The following ZNF66 variants were observed in gnomAD, a reference collection of about 807,000 sequenced individuals.
ZNF66 encodes the protein putative zinc finger protein 66.
In ZNF66, 32 loss-of-function variants were observed where a neutral mutation model predicts 35.2. That is an observed-to-expected ratio of 0.91 (90% CI 0.69 to 1.22). ZNF66 has a LOEUF of 1.22. Among genes scored for constraint, ZNF66 ranks in the 50% most tolerant of loss-of-function variants. The pLI is 0.00. For missense variants in ZNF66, 666 were observed against 543.1 expected, an observed-to-expected ratio of 1.23 and a Z score of -2.25; for synonymous variants, 231 against 181.3, an observed-to-expected ratio of 1.27 and a Z score of -2.20.
intron 3 of ZNF66, among the ~76,000 whole-genome samples, chr19:20,800,867 TTC>T (rs1185981357): frequency 3.3e-5 from 5 of 152,202 alleles, no homozygotes; most frequent in Non-Finnish European, 7.3e-5. Flanking sequence ...TGTCACAGTT[TTC>T]TCTTTCTTAG....
intron 3 of ZNF66, 104 bp from the exon 4 acceptor site, chr19:20,805,723 A>G (rs441567): frequency 0.09 from 38,944 of 432,622 alleles, 1,887 homozygotes; most frequent in African/African-American, 0.1. Flanking sequence ...ATTTTGCTAC[A>G]TCATCTTGTT....
chr19:20,787,036 C>A (rs1466311940), intron 1 of ZNF66, among the ~76,000 whole-genome samples: 1 of 152,210 alleles, frequency 6.6e-6, no homozygotes, highest in East Asian at 1.9e-4. Context: ...GCTGGGATTA[C>A]AGGCTTGAGC....
intron 3 of ZNF66, chr19:20,794,284 T>C (rs1444588631): frequency 5.3e-6 from 1 of 189,532 alleles, no homozygotes; most frequent in Non-Finnish European, 1.1e-5. Context: ...GTGAGAGTAG[T>C]AGTTTCTGTT....
In ZNF66 at chr19:20,809,148, GAAAC is replaced by G. The variant is rs555623479; in HGVS notation, c.*1830_*1833del. On this transcript the variant is annotated 3_prime_UTR_variant, in exon 4 of 4. Coordinates refer to ENST00000344519, the MANE Select transcript of ZNF66 (RefSeq NM_001355197.2). ...AAGTTTAGAGAAAAAAAATTAAAAA[GAAAC>G]AAAGTCTCCAAGAAATATGGGACTA... Among the ~76,000 whole-genome samples, 7 of 151,692 alleles carry G rather than the reference GAAAC, an allele frequency of 4.6e-5. No individual in the cohort carries two copies. The highest frequency in any genetic ancestry group is 1.0e-4 in the Non-Finnish European group (7 of 67,862).
At position 20,807,055 on chromosome 19, in the gene ZNF66, A is replaced by G. The variant is rs780540888; in HGVS notation, c.1455A>G (p.Glu485=). 1 of 832,506 alleles carries G rather than the reference A, an allele frequency of 1.2e-6. No individual in the cohort carries two copies. The highest frequency in any genetic ancestry group is 1.4e-5 in the South Asian group (1 of 74,066). The allele number at this position is 832,506 out of a possible 1,614,324, so 51.6% of individuals were successfully genotyped here. The change falls in exon 4 of 4, where the codon GAA becomes GAG. Residue 485 remains glutamate, a synonymous_variant. Coordinates refer to ENST00000344519, the MANE Select transcript of ZNF66 (RefSeq NM_001355197.2). ...GAGAGAAGCCTTACAAATGTGAAGA[A>G]TGTGGCAAGGCCTTTAAGTGCTCCT... ...HTGEKPYKCE[E]CGKAFKCSSI...
chr19:20,802,350 TTG>T (rs1971455743), intron 3 of ZNF66, among the ~76,000 whole-genome samples: 1 of 152,092 alleles, frequency 6.6e-6, no homozygotes, highest in Non-Finnish European at 1.5e-5. Flanking sequence ...CTTTTTCAGT[TTG>T]TTTTTGAGGT....
chr19:20,794,653 G>A (rs1294978850), intron 3 of ZNF66: 1 of 150,018 alleles, frequency 6.7e-6, no homozygotes, highest in Non-Finnish European at 1.5e-5. Context: ...TACCTCCTTG[G>A]TTAATTTTTT....
intron 3 of ZNF66, among the ~76,000 whole-genome samples, chr19:20,802,114 T>C (rs534354489): frequency 3.3e-5 from 5 of 152,182 alleles, no homozygotes. Context: ...CAAATTATTT[T>C]AATTCTGTAG....
At position 20,809,950 on chromosome 19, in the gene ZNF66, G is replaced by C. The variant is rs542077923; in HGVS notation, c.*2628G>C. 7.2e-5 allele frequency among the ~76,000 whole-genome samples: 11 copies of C among 152,240 alleles called. No individual in the cohort carries two copies. In the South Asian group the frequency reaches 2.1e-3, roughly 29 times the overall value. ...TCAGGAAACCCATCTCACGTGCAGA[G>C]ACACACATAGGCTCAAAATAAAAGG... is the stretch of plus-strand genomic sequence containing the variant. On this transcript the variant is annotated 3_prime_UTR_variant, in exon 4 of 4. Coordinates refer to ENST00000344519, the MANE Select transcript of ZNF66 (RefSeq NM_001355197.2).
chr19:20,809,440 G>T lies in ZNF66; in HGVS notation c.*2118G>T, dbSNP rs1971565367. On this transcript the variant is annotated 3_prime_UTR_variant, in exon 4 of 4. Coordinates refer to ENST00000344519, the MANE Select transcript of ZNF66 (RefSeq NM_001355197.2). ...AAGGGCAGCCAGAGAGAAAGGTCGG[G>T]TTACCCACAAAGGGAAGCCCATCAG... Among the ~76,000 whole-genome samples the T allele has an allele frequency of 1.3e-5, 2 of 152,104 alleles. No homozygotes were observed. The highest frequency in any genetic ancestry group is 4.8e-5 in the African/African-American group (2 of 41,402).
intron 3 of ZNF66, among the ~76,000 whole-genome samples, chr19:20,799,803 G>A (rs1025899414): frequency 2.6e-5 from 4 of 151,814 alleles, no homozygotes; most frequent in African/African-American, 9.7e-5. Flanking sequence ...GTTTGTCTTT[G>A]TGTATCACAT....
chr19:20,792,992 A>G (rs966176254), intron 2 of ZNF66, among the ~76,000 whole-genome samples: 1 of 151,962 alleles, frequency 6.6e-6, no homozygotes, highest in Non-Finnish European at 1.5e-5. Flanking sequence ...ACTTGAACTC[A>G]GGAGGTGAAG....
rs547076575 is a variant in ZNF66, at chr19:20,805,973, G to T, written c.373G>T (p.Val125Leu). The T allele has an allele frequency of 2.6e-6, 2 of 757,298 alleles. No individual in the cohort carries two copies. Among genetic ancestry groups the T allele is most frequent in the South Asian group, 1.6e-5 (1 of 62,002 alleles). 46.9% of individuals were successfully genotyped at this position (757,298 alleles called of 1,614,324 possible). A position where few individuals can be genotyped will look rare whatever the true frequency, so the allele number is the denominator to read the frequency against. ...KGCESVDKCK[V>L]HKRGYNGLNQ... ...CTGTGAAAGTGTGGATAAGTGTAAA[G>T]TGCACAAAAGAGGTTATAATGGACT... The change falls in exon 4 of 4, where the codon GTG (valine) becomes TTG (leucine). Residue 125 changes from valine (V) to leucine (L), a missense_variant. Physicochemically the swap from Val to Leu is conservative, Grantham distance 32. Transcript: ENST00000344519.
chr19:20,789,814 C>G (rs1971319791), intron 1 of ZNF66, among the ~76,000 whole-genome samples: 1 of 152,200 alleles, frequency 6.6e-6, no homozygotes, highest in Non-Finnish European at 1.5e-5. Flanking sequence ...ATGCCCAGCA[C>G]AGTGCTCTGT....
intron 3 of ZNF66, among the ~76,000 whole-genome samples, chr19:20,803,181 T>G: frequency 1.5e-5 from 2 of 134,634 alleles, no homozygotes; most frequent in South Asian, 4.6e-4. Flanking sequence ...TAATAAACCT[T>G]TTTATTTAAA....
intron 1 of ZNF66, among the ~76,000 whole-genome samples, chr19:20,781,959 A>G (rs1971249474): frequency 6.6e-6 from 1 of 151,452 alleles, no homozygotes; most frequent in African/African-American, 2.4e-5. Context: ...ATAGTTGGAG[A>G]CAGAGTCTCA....
At position 20,808,401 on chromosome 19, in the gene ZNF66, T is replaced by C. The variant is rs1244319895; in HGVS notation, c.*1079T>C. ...ATCTGAGAACGGGCAGACTGCCTCC[T>C]CAAGTGGGTCTCTGACCCCCGAGCA... On this transcript the variant is annotated 3_prime_UTR_variant, in exon 4 of 4. Transcript: ENST00000344519. Among the ~76,000 whole-genome samples the C allele has an allele frequency of 6.6e-6, 1 of 152,166 alleles. No homozygotes were observed. The highest frequency in any genetic ancestry group is 1.5e-5 in the Non-Finnish European group (1 of 68,034).
At chr19:20,793,332 C>CTTTT (rs781748526) in intron 2 of ZNF66, among the ~76,000 whole-genome samples, 4 of 84,610 alleles carry the variant, frequency 4.7e-5, no homozygotes, top group African/African-American at 9.3e-5. Flanking sequence ...CTTTTCTTTT[C>CTTTT]TTTTTTTTTT....
In ZNF66 at chr19:20,806,278, G is replaced by A. The variant is rs755894830; in HGVS notation, c.678G>A (p.Glu226=). The A allele has an allele frequency of 2.8e-5, 42 of 1,477,198 alleles. 1 individual carries two copies. The South Asian group carries it at 4.7e-4, about 16-fold the overall frequency. 91.5% of individuals were successfully genotyped at this position (1,477,198 alleles called of 1,614,324 possible). A position where few individuals can be genotyped will look rare whatever the true frequency, so the allele number is the denominator to read the frequency against. ...CACATAAGATAATTCATACTGGAGA[G>A]AAACGGTACAAATGTGAAGACTGTG... is the stretch of plus-strand genomic sequence containing the variant. ...LTTHKIIHTG[E]KRYKCEDCGK... Residue 226 remains glutamate (E), a synonymous_variant, in exon 4 of 4, where the codon GAG becomes GAA. Transcript: ENST00000344519.
Sources: allele counts gnomAD v4.1 joint callset (sites outside exome capture counted in the v4.1 genomes callset), GRCh38; gene constraint gnomAD v4.1.1; transcripts MANE v1.5; gene names NCBI Gene and HGNC (gene_info 2026-07-23, HGNC 2026-07-21).